The following CNTNAP5 variants were observed in gnomAD, a reference collection of about 807,000 sequenced individuals.
CNTNAP5 encodes the protein contactin-associated protein-like 5.
In CNTNAP5, 72 loss-of-function variants were observed where a neutral mutation model predicts 150.2. That is an observed-to-expected ratio of 0.48 (90% CI 0.40 to 0.58). CNTNAP5 has a LOEUF of 0.58. Among genes scored for constraint, CNTNAP5 ranks in the 20% least tolerant of loss-of-function variants. The pLI, the probability that CNTNAP5 is intolerant of heterozygous loss-of-function variation, is 0.00. For synonymous variants in CNTNAP5, 672 were observed against 619.8 expected, an observed-to-expected ratio of 1.08 and a Z score of -1.25; for missense variants, 1,636 against 1,626.2, an observed-to-expected ratio of 1.01 and a Z score of -0.10.
intron 7 of CNTNAP5, among the ~76,000 whole-genome samples, chr2:124,485,829 C>T (rs930064150): frequency 6.6e-6 from 1 of 152,016 alleles, no homozygotes; most frequent in African/African-American, 2.4e-5. Flanking sequence ...CTTCCAGCCT[C>T]TGTCACCCTG....
At chr2:124,517,418 GTGT>G (rs1558936481) in intron 8 of CNTNAP5, among the ~76,000 whole-genome samples, 1 of 151,554 alleles carries the variant, frequency 6.6e-6, no homozygotes, top group Non-Finnish European at 1.5e-5. Context: ...GAGGGTTGTG[GTGT>G]TGGTGATGGG....
intron 3 of CNTNAP5, among the ~76,000 whole-genome samples, chr2:124,343,010 C>T (rs1180752543): frequency 1.3e-5 from 2 of 152,224 alleles, no homozygotes; most frequent in African/African-American, 2.4e-5. Context: ...TTCCTATATA[C>T]TTCCTTGAAG....
At chr2:124,672,566 G>A (rs1296316739) in intron 13 of CNTNAP5, among the ~76,000 whole-genome samples, 1 of 152,076 alleles carries the variant, frequency 6.6e-6, no homozygotes, top group Non-Finnish European at 1.5e-5. Context: ...GGCCTTTAGG[G>A]CCCCAAAAGA....
chr2:124,467,827 C>G (rs1484639619), intron 6 of CNTNAP5, among the ~76,000 whole-genome samples: 1 of 152,146 alleles, frequency 6.6e-6, no homozygotes, highest in Non-Finnish European at 1.5e-5. Flanking sequence ...CTTCTTTTCC[C>G]TAACTGGATT....
At chr2:124,527,484 T>G (rs780371414) in intron 10 of CNTNAP5, 28 bp downstream of exon 10, 1 of 1,561,334 alleles carries the variant, frequency 6.4e-7, no homozygotes, top group Non-Finnish European at 8.7e-7. Context: ...TCCTCTGTTC[T>G]GCCACCCCCT....
At chr2:124,087,154 G>T (rs35102790) in intron 1 of CNTNAP5, among the ~76,000 whole-genome samples, 56,198 of 151,324 alleles carry the variant, frequency 0.37, 11,278 homozygotes, top group Admixed American at 0.44. Context: ...CATACACTTA[G>T]ACTTAGAAGC....
chr2:124,659,899 A>T (rs1410638955), intron 13 of CNTNAP5, among the ~76,000 whole-genome samples: 1 of 152,194 alleles, frequency 6.6e-6, no homozygotes, highest in East Asian at 1.9e-4. Context: ...TGATGGGGAA[A>T]GGCATGAAGG....
intron 1 of CNTNAP5, among the ~76,000 whole-genome samples, chr2:124,177,551 C>T (rs1181355154): frequency 6.6e-6 from 1 of 151,956 alleles, no homozygotes; most frequent in Non-Finnish European, 1.5e-5. Context: ...CTAATCTGTC[C>T]TAATCTAAAA....
chr2:124,293,855 G>A (rs1328254044), intron 3 of CNTNAP5, among the ~76,000 whole-genome samples: 2 of 151,886 alleles, frequency 1.3e-5, no homozygotes, highest in Non-Finnish European at 2.9e-5. Context: ...GACCAAGCAT[G>A]CTTGGGGTAG....
rs186925705 is a variant in CNTNAP5 at position 124,569,271 on chromosome 2, C to A, written c.1756+5948C>A. On this transcript the variant is annotated intron_variant, in intron 11 of 23. Coordinates refer to ENST00000682447, the MANE Select transcript of CNTNAP5 (RefSeq NM_001367498.1). ...CCTTCTCTGACATTATTGTTTACTA[C>A]AACTTGTAAAACGTTTTTACATGTA... is the stretch of plus-strand genomic sequence containing the variant. 2.3e-3 allele frequency among the ~76,000 whole-genome samples: 347 copies of A among 152,212 alleles called. 1 individual carries two copies. The highest frequency in any genetic ancestry group is 6.0e-3 in the African/African-American group (249 of 41,540).
chr2:124,421,609 C>A (rs12373656), intron 4 of CNTNAP5, among the ~76,000 whole-genome samples: 19,368 of 152,208 alleles, frequency 0.13, 1,625 homozygotes, highest in Non-Finnish European at 0.19. Flanking sequence ...CCACACTACA[C>A]TCACCCCAAA....
intron 2 of CNTNAP5, among the ~76,000 whole-genome samples, chr2:124,223,375 A>C (rs1686376007): frequency 6.6e-6 from 1 of 152,120 alleles, no homozygotes; most frequent in African/African-American, 2.4e-5. Context: ...TGCCAACCTC[A>C]GTTTTTTATC....
In CNTNAP5 at chr2:124,899,862, A is replaced by T. The variant is rs950162610; in HGVS notation, c.3437-3020A>T. 1.3e-5 allele frequency among the ~76,000 whole-genome samples: 2 copies of T among 151,562 alleles called. 1 individual carries two copies. Among genetic ancestry groups the T allele is most frequent in the African/African-American group, 4.9e-5 (2 of 40,892 alleles). On this transcript the variant is annotated intron_variant, in intron 21 of 23. Coordinates refer to ENST00000682447, the MANE Select transcript of CNTNAP5 (RefSeq NM_001367498.1). ...AATACATTTGTCTTTAATGTAATAC[A>T]GAGTTCAGTGAATTCTGTGAGGCAC... is the stretch of plus-strand genomic sequence containing the variant.
intron 21 of CNTNAP5, among the ~76,000 whole-genome samples, chr2:124,870,708 C>T (rs538865773): frequency 2.4e-4 from 37 of 152,198 alleles, no homozygotes; most frequent in African/African-American, 8.4e-4. Context: ...TAGTTGCTTA[C>T]AAGATTGTTG....
chr2:124,043,336 G>A (rs1430181025), intron 1 of CNTNAP5, among the ~76,000 whole-genome samples: 1 of 152,102 alleles, frequency 6.6e-6, no homozygotes, highest in African/African-American at 2.4e-5. Flanking sequence ...AATTATAGTT[G>A]GTAGGACATT....
At chr2:124,318,200 A>G (rs1689014330) in intron 3 of CNTNAP5, among the ~76,000 whole-genome samples, 1 of 152,220 alleles carries the variant, frequency 6.6e-6, no homozygotes, top group Non-Finnish European at 1.5e-5. Flanking sequence ...TTTGACAGGG[A>G]TGAGATCACA....
At chr2:124,865,180 T>A (rs1432034250) in intron 19 of CNTNAP5, 126 bp from the exon 20 acceptor site, 2 of 761,628 alleles carry the variant, frequency 2.6e-6, no homozygotes, top group South Asian at 2.2e-5. Context: ...GATATATTTT[T>A]AAAAATTGAA....
At chr2:124,743,434 C>CT (rs1680539828) in intron 13 of CNTNAP5, among the ~76,000 whole-genome samples, 1 of 152,158 alleles carries the variant, frequency 6.6e-6, no homozygotes, top group South Asian at 2.1e-4. Context: ...CCATCAGCCC[C>CT]TCCTGTGAGA....
intron 10 of CNTNAP5, among the ~76,000 whole-genome samples, chr2:124,561,525 C>A (rs1695892671): frequency 6.6e-6 from 1 of 151,922 alleles, no homozygotes; most frequent in South Asian, 2.1e-4. Flanking sequence ...GAGAGAGGAC[C>A]ACTTTTTTGT....
Sources: allele counts gnomAD v4.1 joint callset (sites outside exome capture counted in the v4.1 genomes callset), GRCh38; gene constraint gnomAD v4.1.1; transcripts MANE v1.5; gene names NCBI Gene and HGNC (gene_info 2026-07-23, HGNC 2026-07-21).